The following CYP4F22 variants were observed in gnomAD, a reference collection of about 807,000 sequenced individuals.
CYP4F22 encodes ultra-long-chain fatty acid omega-hydroxylase.
Under a neutral mutation model 60.4 loss-of-function variants are expected in CYP4F22, and 37 were observed. That is an observed-to-expected ratio of 0.61 (90% CI 0.47 to 0.81). The LOEUF (loss-of-function observed/expected upper bound fraction) is 0.81. CYP4F22 is among the 30% of genes least tolerant of loss of function. CYP4F22 has a pLI of 0.00. For missense variants in CYP4F22, 655 were observed against 715.0 expected (o/e 0.92, Z 0.96); for synonymous variants, 258 against 280.5 (o/e 0.92, Z 0.80).
chr19:15,550,627 A>G, intron 12 of CYP4F22, 47 bp from the exon 13 acceptor site: 1 of 1,596,228 alleles, frequency 6.3e-7, no homozygotes, highest in Non-Finnish European at 8.6e-7. Flanking sequence ...CCAGGCTGGG[A>G]TGTCTGGGGC....
chr19:15,534,792 C>T (rs982876794), intron 4 of CYP4F22, among the ~76,000 whole-genome samples: 3 of 152,000 alleles, frequency 2.0e-5, no homozygotes, highest in Non-Finnish European at 2.9e-5. Context: ...AGCTGGGCCC[C>T]GAAGGATGCC....
intron 3 of CYP4F22, 140 bp from the exon 4 acceptor site, chr19:15,529,569 A>C: frequency 9.0e-7 from 1 of 1,115,334 alleles, no homozygotes; most frequent in Non-Finnish European, 1.3e-6. Context: ...ATGGAGGCCC[A>C]GGGAGGTGCA....
intron 1 of CYP4F22, among the ~76,000 whole-genome samples, chr19:15,522,668 G>A (rs1301799569): frequency 6.6e-6 from 1 of 152,144 alleles, no homozygotes; most frequent in Non-Finnish European, 1.5e-5. Context: ...GCGTGATAGA[G>A]TGAGACCCTG....
Position 15,522,240 on chromosome 19 carries a change from G to GT in CYP4F22, c.-108-1446dup, listed in dbSNP as rs540671598. ...ACATCCTCAACCACACTTATTTTCT[G>GT]TTTTTTTGTTTCAGTTGCAACCATC... On this transcript the variant is annotated intron_variant, in intron 1 of 13. Transcript: ENST00000269703. 1.1e-4 allele frequency among the ~76,000 whole-genome samples: 17 copies of GT among 151,100 alleles called. No homozygotes were observed. In the East Asian group the frequency reaches 1.7e-3, roughly 16 times the overall value.
At chr19:15,518,484 C>CA (rs56987005) in intron 1 of CYP4F22, among the ~76,000 whole-genome samples, 92,944 of 134,040 alleles carry the variant, frequency 0.69, 32,220 homozygotes, top group East Asian at 0.87. Flanking sequence ...ACCAAAAATA[C>CA]AAAAAAAAAA....
intron 8 of CYP4F22, 133 bp downstream of exon 8, chr19:15,540,850 C>G: frequency 1.7e-6 from 2 of 1,157,838 alleles, no homozygotes; most frequent in Non-Finnish European, 2.5e-6. Flanking sequence ...TTTGGGAGGC[C>G]AAGGCGGGAG....
intron 8 of CYP4F22, among the ~76,000 whole-genome samples, chr19:15,542,194 C>G (rs1971470363): frequency 6.6e-6 from 1 of 152,098 alleles, no homozygotes. Flanking sequence ...TCCCTCTTTA[C>G]ATCTTTCTTT....
At chr19:15,551,195 G>C in intron 13 of CYP4F22, 99 bp from the exon 14 acceptor site, 1 of 1,489,388 alleles carries the variant, frequency 6.7e-7, no homozygotes, top group South Asian at 1.2e-5. Context: ...CCCTCAGCCA[G>C]CCCAGGATGC....
chr19:15,509,893 C>CTTTCTTTCTTTCT (rs1476200218), intron 1 of CYP4F22, among the ~76,000 whole-genome samples: 3,017 of 109,944 alleles, frequency 0.027, 128 homozygotes, highest in East Asian at 0.11. Context: ...TCCTTCCTTC[C>CTTTCTTTCTTTCT]TTCCTTCCTT....
chr19:15,527,026 ACT>A (rs1339858115), intron 3 of CYP4F22, among the ~76,000 whole-genome samples: 1 of 149,840 alleles, frequency 6.7e-6, no homozygotes, highest in African/African-American at 2.5e-5. Context: ...TTTTAGTTCT[ACT>A]CTCTGATGCC....
intron 3 of CYP4F22, among the ~76,000 whole-genome samples, chr19:15,529,359 C>G (rs553200541): frequency 6.6e-6 from 1 of 152,130 alleles, no homozygotes; most frequent in African/African-American, 2.4e-5. Flanking sequence ...GAACTCCTGA[C>G]CTCAGGTGAT....
chr19:15,528,313 C>T (rs1290846948), intron 3 of CYP4F22, among the ~76,000 whole-genome samples: 1 of 152,110 alleles, frequency 6.6e-6, no homozygotes, highest in Non-Finnish European at 1.5e-5. Flanking sequence ...ATTAGCCAGG[C>T]TTGGTGGTGC....
At chr19:15,547,990 A>AGG in intron 10 of CYP4F22, 118 bp from the exon 11 acceptor site, 1 of 339,230 alleles carries the variant, frequency 2.9e-6, no homozygotes, top group Non-Finnish European at 4.5e-6. Flanking sequence ...AGAGAGAGAG[A>AGG]GAGAGGGAGA....
chr19:15,518,333 C>A (rs1029355415), intron 1 of CYP4F22, among the ~76,000 whole-genome samples: 1 of 151,700 alleles, frequency 6.6e-6, no homozygotes, highest in Non-Finnish European at 1.5e-5. Flanking sequence ...CAAGACCCTG[C>A]CTCTAAAAGA....
chr19:15,533,979 G>C (rs1407998847), intron 4 of CYP4F22, among the ~76,000 whole-genome samples: 1 of 152,056 alleles, frequency 6.6e-6, no homozygotes, highest in East Asian at 1.9e-4. Context: ...GAGTAGAATT[G>C]CCAAGTCATA....
chr19:15,527,669 A>G (rs1316158574), intron 3 of CYP4F22, among the ~76,000 whole-genome samples: 1 of 152,202 alleles, frequency 6.6e-6, no homozygotes, highest in African/African-American at 2.4e-5. Flanking sequence ...GGGTGTGGAC[A>G]TGATCAAGGC....
At chr19:15,515,388 C>G in intron 1 of CYP4F22, 1 of 1,241,462 alleles carries the variant, frequency 8.1e-7, no homozygotes. Context: ...TTCTTGGCAT[C>G]TCTGTACTTT....
At chr19:15,517,844 G>T (rs531725878) in intron 1 of CYP4F22, among the ~76,000 whole-genome samples, 1 of 152,234 alleles carries the variant, frequency 6.6e-6, no homozygotes, top group Admixed American at 6.5e-5. Flanking sequence ...ATGAGGAGCT[G>T]GTGTGGGCAC....
chr19:15,533,801 G>T (rs1384292816), intron 4 of CYP4F22, among the ~76,000 whole-genome samples: 1 of 151,790 alleles, frequency 6.6e-6, no homozygotes, highest in African/African-American at 2.4e-5. Context: ...ATGGGGTCTT[G>T]CTATGTTGTC....
Sources: allele counts gnomAD v4.1 joint callset (sites outside exome capture counted in the v4.1 genomes callset), GRCh38; gene constraint gnomAD v4.1.1; transcripts MANE v1.5; gene names NCBI Gene and HGNC (gene_info 2026-07-23, HGNC 2026-07-21).